Variants in CATSPERE observed in about 807,000 individuals in gnomAD.
CATSPERE encodes cation channel sperm-associated auxiliary subunit epsilon.
In CATSPERE, 93 loss-of-function variants were observed where a neutral mutation model predicts 114.1. That is an observed-to-expected ratio of 0.81 (90% confidence interval 0.69 to 0.97). The LOEUF is 0.97. Among genes scored for constraint, CATSPERE ranks in the 50% least tolerant of loss-of-function variants. CATSPERE has a pLI of 0.00. For synonymous variants in CATSPERE, 341 were observed against 384.1 expected, an observed-to-expected ratio of 0.89 and a Z score of 1.31; for missense variants, 1,058 against 1,131.6, an observed-to-expected ratio of 0.93 and a Z score of 0.93.
At chr1:244,521,752 G>A (rs1027966944) in intron 8 of CATSPERE, among the ~76,000 whole-genome samples, 59 of 152,176 alleles carry the variant, frequency 3.9e-4, no homozygotes, top group African/African-American at 1.4e-3. Context: ...CAAACTATAC[G>A]AGTAAACATT....
In CATSPERE at chr1:244,633,855, TACATC is replaced by T. The variant is rs1674283881; in HGVS notation, c.2649-1631_2649-1627del. Reference sequence around the variant, plus strand: ...TGTGAAAATTCCTGTGACAGGTGTCTACATCACTCATTTTTTTTTTTTTTTTTGAG... The same window carrying T: ...TGTGAAAATTCCTGTGACAGGTGTCTACTCATTTTTTTTTTTTTTTTTGAG... On this transcript the variant is annotated intron_variant, in intron 20 of 21. Coordinates refer to ENST00000366534, the MANE Select transcript of CATSPERE (RefSeq NM_001130957.2). This position sits in a 1 kb window ranked among gnomAD's most constrained non-coding sequence, Gnocchi z 4.1. 6.6e-6 allele frequency among the ~76,000 whole-genome samples: 1 copy of T among 151,146 alleles called. No homozygotes were observed. The highest frequency in any genetic ancestry group is 1.5e-5 in the Non-Finnish European group (1 of 67,880).
At chr1:244,624,128 A>ATTTTTTTTTTTTTTTTTTT (rs58744339) in intron 20 of CATSPERE, among the ~76,000 whole-genome samples, 8 of 125,934 alleles carry the variant, frequency 6.4e-5, no homozygotes, top group Non-Finnish European at 9.8e-5. Context: ...TGCCCAGCTA[A>ATTTTTTTTTTTTTTTTTTT]TTTTTTTTTT....
At chr1:244,475,196 T>G (rs1274040456) in intron 2 of CATSPERE, among the ~76,000 whole-genome samples, 1 of 152,084 alleles carries the variant, frequency 6.6e-6, no homozygotes, top group Non-Finnish European at 1.5e-5. Context: ...ATTATCATCT[T>G]ACACTGAAAA....
chr1:244,501,076 T>G (rs1673966094), intron 7 of CATSPERE, among the ~76,000 whole-genome samples: 1 of 152,220 alleles, frequency 6.6e-6, no homozygotes, highest in Non-Finnish European at 1.5e-5. Context: ...GTAAGTTGTA[T>G]TCCTAGATAT....
At chr1:244,551,056 G>C (rs3003220) in intron 8 of CATSPERE, among the ~76,000 whole-genome samples, 151,266 of 152,368 alleles carry the variant, frequency 0.99, 75,095 homozygotes, top group Middle Eastern at 1. Flanking sequence ...TAATAAAAAT[G>C]AATCTATCAC....
intron 4 of CATSPERE, 24 bp from the exon 5 acceptor site, chr1:244,479,693 A>C: frequency 2.0e-6 from 3 of 1,470,250 alleles, no homozygotes; most frequent in Non-Finnish European, 2.8e-6. Context: ...AATATATCAC[A>C]GTTTCTTTTG....
intron 7 of CATSPERE, among the ~76,000 whole-genome samples, chr1:244,508,960 T>A (rs931484404): frequency 2.2e-4 from 33 of 148,434 alleles, no homozygotes; most frequent in African/African-American, 6.9e-4. Flanking sequence ...ATGATCTGAG[T>A]GAGATTCTGT....
intron 17 of CATSPERE, among the ~76,000 whole-genome samples, chr1:244,604,964 G>A (rs1181945958): frequency 6.6e-6 from 1 of 152,176 alleles, no homozygotes; most frequent in African/African-American, 2.4e-5. Context: ...TCCCCTTGCT[G>A]GTGTCTGCTG....
Position 244,605,712 on chromosome 1 carries a change from A to G in CATSPERE, c.2321A>G (p.Tyr774Cys), listed in dbSNP as rs138621012. Reference sequence around the variant, plus strand: ...TCTTTCAGATTTGATGATAATGGCTATGTTAAAGACGTTGAAGCAAATTTC... The same window carrying G: ...TCTTTCAGATTTGATGATAATGGCTGTGTTAAAGACGTTGAAGCAAATTTC... ...PVVQLFDDNG[Y>C]VKDVEANFIV... The change falls in exon 18 of 22, where the codon TAT (tyrosine) becomes TGT (cysteine). Residue 774 changes from tyrosine to cysteine, a missense_variant. Physicochemically the swap from Tyr to Cys is radical, Grantham distance 194. Transcript: ENST00000366534. The G allele has an allele frequency of 1.9e-6, 3 of 1,610,036 alleles. No homozygotes were observed. The highest frequency in any genetic ancestry group is 2.2e-5 in the East Asian group (1 of 44,810).
rs556122171 is a variant in CATSPERE at position 244,633,934 on chromosome 1, C to T, written c.2649-1555C>T. On this transcript the variant is annotated intron_variant, in intron 20 of 21. Coordinates refer to ENST00000366534, the MANE Select transcript of CATSPERE (RefSeq NM_001130957.2). The surrounding 1 kb of genome is among the most constrained non-coding windows in gnomAD (Gnocchi z 4.1). ...GGCTGGAGTGCAGTGGTGCGATCTC[C>T]GCTCACTGCAACCTACGCCTCCCGG... is the stretch of plus-strand genomic sequence containing the variant. Among the ~76,000 whole-genome samples, 3 of 151,180 alleles carry T rather than the reference C, an allele frequency of 2.0e-5. No individual in the cohort carries two copies. The highest frequency in any genetic ancestry group is 2.1e-4 in the South Asian group (1 of 4,774).
At chr1:244,624,350 G>A (rs1220427682) in intron 20 of CATSPERE, among the ~76,000 whole-genome samples, 1 of 152,120 alleles carries the variant, frequency 6.6e-6, no homozygotes, top group Non-Finnish European at 1.5e-5. Context: ...AGCATGCGAT[G>A]CTGTTTGGCA....
At chr1:244,526,519 A>T (rs1009675614) in intron 8 of CATSPERE, among the ~76,000 whole-genome samples, 4 of 152,156 alleles carry the variant, frequency 2.6e-5, no homozygotes, top group African/African-American at 9.7e-5. Context: ...CTAGAAAAAA[A>T]ATATCTGGCT....
At chr1:244,628,017 C>G (rs1673429098) in intron 20 of CATSPERE, among the ~76,000 whole-genome samples, 1 of 152,212 alleles carries the variant, frequency 6.6e-6, no homozygotes, top group Non-Finnish European at 1.5e-5. Flanking sequence ...GCTATCAGAT[C>G]CATTGTAGCG....
At chr1:244,490,530 C>A in intron 6 of CATSPERE, 59 bp downstream of exon 6, 1 of 1,019,564 alleles carries the variant, frequency 9.8e-7, no homozygotes, top group Non-Finnish European at 1.5e-6. Flanking sequence ...TTGTTTCTCT[C>A]TTATCTTCCA....
In CATSPERE at chr1:244,568,897, A is replaced by G. The variant is rs1664011029; in HGVS notation, c.1508-3433A>G. ...CTGGCACCACTGGGGTATGAAAAAA[A>G]ACAAAAACAAAAACAAAGACAAAAA... On this transcript the variant is annotated intron_variant, in intron 10 of 21. Transcript: ENST00000366534. The surrounding 1 kb of genome is among the most constrained non-coding windows in gnomAD (Gnocchi z 4.4). 1.3e-5 allele frequency among the ~76,000 whole-genome samples: 2 copies of G among 152,104 alleles called. No individual in the cohort carries two copies. Among genetic ancestry groups the G allele is most frequent in the Non-Finnish European group, 2.9e-5 (2 of 68,024 alleles).
At chr1:244,463,543 A>T (rs867117397) in intron 1 of CATSPERE, among the ~76,000 whole-genome samples, 12 of 152,010 alleles carry the variant, frequency 7.9e-5, no homozygotes, top group South Asian at 6.2e-4. Context: ...CAAAAAAAAA[A>T]GAGAAATACT....
chr1:244,539,840 T>C (rs10927249), intron 8 of CATSPERE, among the ~76,000 whole-genome samples: 113,820 of 127,042 alleles, frequency 0.9, 51,542 homozygotes, highest in East Asian at 1. Context: ...CATTTTTTAT[T>C]GCGTCTATTT....
At chr1:244,507,794 A>AT (rs968295837) in intron 7 of CATSPERE, among the ~76,000 whole-genome samples, 1 of 152,140 alleles carries the variant, frequency 6.6e-6, no homozygotes, top group African/African-American at 2.4e-5. Context: ...TTGGCTGTAA[A>AT]TATGTGGATT....
intron 9 of CATSPERE, among the ~76,000 whole-genome samples, chr1:244,559,391 A>G (rs1662198144): frequency 6.6e-6 from 1 of 152,258 alleles, no homozygotes; most frequent in African/African-American, 2.4e-5. Context: ...TATACACTAA[A>G]TATTTGTACA....
Sources: allele counts gnomAD v4.1 joint callset (sites outside exome capture counted in the v4.1 genomes callset), GRCh38; gene constraint gnomAD v4.1.1; non-coding constraint Gnocchi (gnomAD v3.1); transcripts MANE v1.5; gene names NCBI Gene and HGNC (gene_info 2026-07-23, HGNC 2026-07-21).